SYT9: variants seen among roughly 807,000 people sequenced by gnomAD.
SYT9 encodes synaptotagmin 9.
Under a neutral mutation model 48.4 loss-of-function variants are expected in SYT9, and 22 were observed. The ratio of observed to expected loss-of-function variants is 0.45; its 90% confidence interval spans 0.32 to 0.65. The LOEUF (loss-of-function observed/expected upper bound fraction) is 0.65, where lower values mean the gene tolerates loss of function less well. Among genes scored for constraint, SYT9 ranks in the 30% least tolerant of loss-of-function variants. SYT9 has a pLI of 0.03. For synonymous variants in SYT9, 265 were observed against 245.0 expected (o/e 1.08, Z -0.76); for missense variants, 577 against 622.0 (o/e 0.93, Z 0.77).
intron 3 of SYT9, among the ~76,000 whole-genome samples, chr11:7,318,374 C>T (rs996712306): frequency 2.0e-5 from 3 of 151,602 alleles, no homozygotes; most frequent in Admixed American, 6.6e-5. Context: ...AGTGCAATGG[C>T]GCAATCAAGG....
chr11:7,345,693 T>C (rs1849787498), intron 3 of SYT9, among the ~76,000 whole-genome samples: 2 of 152,210 alleles, frequency 1.3e-5, no homozygotes, highest in Non-Finnish European at 2.9e-5. Flanking sequence ...AACAGTTGTA[T>C]AGACTAGGCT....
intron 2 of SYT9, among the ~76,000 whole-genome samples, chr11:7,311,626 C>G (rs1398643745): frequency 1.3e-5 from 2 of 152,222 alleles, no homozygotes; most frequent in Non-Finnish European, 2.9e-5. Flanking sequence ...ACTTACTAGA[C>G]AGTACCCAGA....
intron 3 of SYT9, among the ~76,000 whole-genome samples, chr11:7,376,115 A>C (rs1850447252): frequency 6.6e-6 from 1 of 151,882 alleles, no homozygotes. Flanking sequence ...TTGCATGACA[A>C]CTCTACTATG....
At chr11:7,433,637 G>C (rs1332440559) in intron 6 of SYT9, among the ~76,000 whole-genome samples, 1 of 152,284 alleles carries the variant, frequency 6.6e-6, no homozygotes, top group Admixed American at 6.5e-5. Context: ...TGAGGGCTCT[G>C]CCTTCATGAA....
intron 3 of SYT9, among the ~76,000 whole-genome samples, chr11:7,344,031 G>C (rs1849758065): frequency 6.6e-6 from 1 of 152,144 alleles, no homozygotes; most frequent in South Asian, 2.1e-4. Context: ...CACAACACAT[G>C]GGAATTATGG....
At chr11:7,426,704 C>T (rs1391906971) in intron 6 of SYT9, among the ~76,000 whole-genome samples, 1 of 152,154 alleles carries the variant, frequency 6.6e-6, no homozygotes, top group East Asian at 1.9e-4. Flanking sequence ...ACCTCTCCTC[C>T]TCTCTTCTCT....
intron 1 of SYT9, among the ~76,000 whole-genome samples, chr11:7,289,241 AG>A (rs1309241845): frequency 1.3e-5 from 2 of 152,180 alleles, no homozygotes; most frequent in Non-Finnish European, 2.9e-5. Flanking sequence ...GATCCTATCT[AG>A]GGACCAGATT....
At chr11:7,286,528 A>T (rs2133911395) in intron 1 of SYT9, among the ~76,000 whole-genome samples, 1 of 152,364 alleles carries the variant, frequency 6.6e-6, no homozygotes, top group East Asian at 1.9e-4. Flanking sequence ...TGTGTTCATG[A>T]TTAACATTTG....
At chr11:7,319,190 TTC>T (rs1213929632) in intron 3 of SYT9, among the ~76,000 whole-genome samples, 2 of 73,338 alleles carry the variant, frequency 2.7e-5, no homozygotes, top group Non-Finnish European at 5.2e-5. Flanking sequence ...TTTCTTCTTT[TTC>T]TTTTTTTTTT....
At chr11:7,458,855 C>T (rs961011397) in intron 6 of SYT9, among the ~76,000 whole-genome samples, 24 of 152,128 alleles carry the variant, frequency 1.6e-4, no homozygotes, top group African/African-American at 5.6e-4. Context: ...TTGGCTCATT[C>T]GCCAACATGG....
At chr11:7,435,946 A>T (rs1372531346) in intron 6 of SYT9, 3 of 152,052 alleles carry the variant, frequency 2.0e-5, no homozygotes, top group African/African-American at 7.3e-5. Context: ...GTGCCATTGC[A>T]CTCCAGCCTG....
intron 3 of SYT9, among the ~76,000 whole-genome samples, chr11:7,370,892 G>C (rs1850349963): frequency 6.6e-6 from 1 of 152,148 alleles, no homozygotes; most frequent in African/African-American, 2.4e-5. Context: ...ATATGTGATT[G>C]GGGTTTGAAT....
intron 1 of SYT9, among the ~76,000 whole-genome samples, chr11:7,287,014 T>C (rs1848608426): frequency 6.6e-6 from 1 of 152,232 alleles, no homozygotes; most frequent in Admixed American, 6.5e-5. Context: ...CATATCTTTA[T>C]AGCAGCACCT....
At chr11:7,265,192 A>G (rs1220420751) in intron 1 of SYT9, among the ~76,000 whole-genome samples, 1 of 152,160 alleles carries the variant, frequency 6.6e-6, no homozygotes, top group Non-Finnish European at 1.5e-5. Context: ...GGTTTACCAC[A>G]GGAAGTCAAG....
chr11:7,410,607 G>C (rs556691564), intron 3 of SYT9, among the ~76,000 whole-genome samples: 117 of 152,008 alleles, frequency 7.7e-4, no homozygotes, highest in Non-Finnish European at 1.5e-3. Context: ...GACCATCTTT[G>C]TCTTTGTCAT....
intron 6 of SYT9, among the ~76,000 whole-genome samples, chr11:7,462,615 G>A (rs1235933561): frequency 6.6e-6 from 1 of 152,216 alleles, no homozygotes; most frequent in Non-Finnish European, 1.5e-5. Context: ...TAAACCAGCA[G>A]AGCATGATGA....
intron 3 of SYT9, among the ~76,000 whole-genome samples, chr11:7,345,497 A>C (rs1486157402): frequency 6.6e-6 from 1 of 152,208 alleles, no homozygotes; most frequent in East Asian, 1.9e-4. Flanking sequence ...GAAGAAAGAG[A>C]GTGGTCAAAG....
intron 1 of SYT9, among the ~76,000 whole-genome samples, chr11:7,259,292 T>C (rs1024727883): frequency 1.3e-5 from 2 of 152,124 alleles, no homozygotes; most frequent in African/African-American, 4.8e-5. Flanking sequence ...CACTTATTAG[T>C]ACGTAATTAT....
chr11:7,295,212 A>G (rs1027009612), intron 1 of SYT9, among the ~76,000 whole-genome samples: 2 of 152,200 alleles, frequency 1.3e-5, no homozygotes, highest in African/African-American at 4.8e-5. Flanking sequence ...ATTTTACTAT[A>G]AGCAGCTAGG....
Sources: gnomAD v4.1 joint callset for allele counts (sites outside exome capture counted in the v4.1 genomes callset) on GRCh38, gnomAD v4.1.1 for gene constraint, MANE v1.5 for transcripts, NCBI Gene and HGNC (gene_info 2026-07-23, HGNC 2026-07-21) for gene names.